The following TSHZ1 variants were observed in gnomAD, a reference collection of about 807,000 sequenced individuals.
TSHZ1 encodes the protein teashirt zinc finger homeobox 1, also known as teashirt homolog 1.
In TSHZ1, 12 loss-of-function variants were observed where a neutral mutation model predicts 67.1. The ratio of observed to expected loss-of-function variants is 0.18; its 90% CI spans 0.11 to 0.29. The LOEUF (loss-of-function observed/expected upper bound fraction) is 0.29. TSHZ1 is among the 10% of genes least tolerant of loss of function. The pLI, the probability that TSHZ1 is intolerant of heterozygous loss-of-function variation, is 1.00. For synonymous variants in TSHZ1, 632 were observed against 622.4 expected (o/e 1.02, Z -0.23); for missense variants, 1,305 against 1,413.9 (o/e 0.92, Z 1.23).
chr18:75,230,309 A>G (rs1337038476), intron 1 of TSHZ1, among the ~76,000 whole-genome samples: 1 of 152,192 alleles, frequency 6.6e-6, no homozygotes, highest in Non-Finnish European at 1.5e-5. Flanking sequence ...AGTGACTGAC[A>G]GGCACCCAGA....
intron 1 of TSHZ1, among the ~76,000 whole-genome samples, chr18:75,268,668 C>T (rs528809491): frequency 6.6e-6 from 1 of 152,204 alleles, no homozygotes; most frequent in Non-Finnish European, 1.5e-5. Flanking sequence ...CCTCCTCCCC[C>T]TCCCCAAAAA....
chr18:75,227,273 A>C (rs566493557), intron 1 of TSHZ1, among the ~76,000 whole-genome samples: 1 of 151,378 alleles, frequency 6.6e-6, no homozygotes, highest in Non-Finnish European at 1.5e-5. Flanking sequence ...GTTTTACTCC[A>C]GGCTATTTTT....
chr18:75,284,640 A>G (rs1057261095), intron 1 of TSHZ1: 2 of 152,212 alleles, frequency 1.3e-5, no homozygotes, highest in African/African-American at 4.8e-5. Flanking sequence ...GAGGTGAGCC[A>G]TGCAGTACAT....
chr18:75,281,482 A>ACGGGCCCTACATGGGGC lies in TSHZ1; in HGVS notation c.41-3964_41-3948dup. ...GTGGCAGAACAGTGGGGCTCCTTCC[A>ACGGGCCCTACATGGGGC]CGGGCCCTACATGGGGCCAGGCCCT... On this transcript the variant is annotated intron_variant, in intron 1 of 1. Transcript: ENST00000580243. The surrounding 1 kb of genome is among the most constrained non-coding windows in gnomAD (Gnocchi z 5.3). Among the ~76,000 whole-genome samples, 2 of 152,266 alleles carry ACGGGCCCTACATGGGGC rather than the reference A, an allele frequency of 1.3e-5. No homozygotes were observed. Among genetic ancestry groups the ACGGGCCCTACATGGGGC allele is most frequent in the South Asian group, 4.1e-4 (2 of 4,828 alleles).
intron 1 of TSHZ1, among the ~76,000 whole-genome samples, chr18:75,234,171 C>T (rs949134467): frequency 6.6e-6 from 1 of 152,176 alleles, no homozygotes; most frequent in African/African-American, 2.4e-5. Flanking sequence ...CCAGTGAATA[C>T]ATGATGACTG....
intron 1 of TSHZ1, among the ~76,000 whole-genome samples, chr18:75,250,013 G>A (rs1392676715): frequency 2.7e-5 from 4 of 150,788 alleles, no homozygotes; most frequent in African/African-American, 7.3e-5. Flanking sequence ...CCCTGCAGTA[G>A]GTGGAGGACG....
At chr18:75,277,588 G>T (rs2023630127) in intron 1 of TSHZ1, among the ~76,000 whole-genome samples, 1 of 152,038 alleles carries the variant, frequency 6.6e-6, no homozygotes, top group South Asian at 2.1e-4. Context: ...GTACGTAGAT[G>T]GTGTCATCTC....
chr18:75,277,205 C>A (rs540240034), intron 1 of TSHZ1, among the ~76,000 whole-genome samples: 37 of 152,330 alleles, frequency 2.4e-4, no homozygotes, highest in African/African-American at 8.4e-4. Flanking sequence ...AAGACGGATG[C>A]TGGCTCAGCT....
intron 1 of TSHZ1, among the ~76,000 whole-genome samples, chr18:75,246,769 G>A (rs527448780): frequency 2.6e-5 from 4 of 152,288 alleles, no homozygotes; most frequent in African/African-American, 7.2e-5. Flanking sequence ...CAGCAGAAGA[G>A]CTTGAGATGT....
rs150448209 is a variant in TSHZ1 at position 75,259,838 on chromosome 18, A to G, written c.41-25610A>G. On this transcript the variant is annotated intron_variant, in intron 1 of 1. Coordinates refer to ENST00000580243, the MANE Select transcript of TSHZ1 (RefSeq NM_001308210.2). The stretch of plus-strand genomic sequence containing the variant: ...AAACAATGCTGCTGGGTATTTACCT[A>G]TGGGTGCTTTTATTTCCAAGGATAT... Among the ~76,000 whole-genome samples, 26 of 152,262 alleles carry G rather than the reference A, an allele frequency of 1.7e-4. No homozygotes were observed. The East Asian group carries it at 5.0e-3, about 29-fold the overall frequency.
chr18:75,273,333 A>G (rs1175205094), intron 1 of TSHZ1, among the ~76,000 whole-genome samples: 1 of 152,214 alleles, frequency 6.6e-6, no homozygotes, highest in Non-Finnish European at 1.5e-5. Context: ...TCGAGGAGAA[A>G]ACAAACCTAA....
At chr18:75,232,446 A>G (rs1231078196) in intron 1 of TSHZ1, among the ~76,000 whole-genome samples, 1 of 152,198 alleles carries the variant, frequency 6.6e-6, no homozygotes, top group Non-Finnish European at 1.5e-5. Flanking sequence ...TTTTGCATGT[A>G]TTTTGGAAAG....
intron 1 of TSHZ1, among the ~76,000 whole-genome samples, chr18:75,248,661 C>A (rs2023253896): frequency 6.6e-6 from 1 of 152,186 alleles, no homozygotes; most frequent in African/African-American, 2.4e-5. Flanking sequence ...TTTTTCCCCT[C>A]ATTTGGAATC....
At chr18:75,222,511 C>T (rs76766865) in intron 1 of TSHZ1, among the ~76,000 whole-genome samples, 2,588 of 152,062 alleles carry the variant, frequency 0.017, 31 homozygotes, top group Middle Eastern at 0.082. Context: ...CGCAGAGCTC[C>T]GAGAAGCTGG....
intron 1 of TSHZ1, among the ~76,000 whole-genome samples, 156 bp downstream of exon 1, chr18:75,212,072 G>C (rs2022701602): frequency 6.6e-6 from 1 of 151,998 alleles, no homozygotes; most frequent in African/African-American, 2.4e-5. Context: ...TGGAGGCTGC[G>C]GTCGCCGTCC....
intron 1 of TSHZ1, chr18:75,280,796 CTA>C (rs922689143): frequency 7.8e-5 from 77 of 985,314 alleles, no homozygotes; most frequent in Non-Finnish European, 5.9e-5. Flanking sequence ...AGTCACAGCT[CTA>C]TGAGGAGGAC....
At chr18:75,223,740 C>G (rs1400191957) in intron 1 of TSHZ1, among the ~76,000 whole-genome samples, 5 of 151,994 alleles carry the variant, frequency 3.3e-5, no homozygotes, top group Non-Finnish European at 7.4e-5. Context: ...CAGCCCTGGC[C>G]CTGCATGTGC....
At position 75,286,166 on chromosome 18, in the gene TSHZ1, C is replaced by T. The variant is rs769341054; in HGVS notation, c.759C>T (p.Ala253=). The T allele has an allele frequency of 1.5e-5, 24 of 1,614,024 alleles. No homozygotes were observed. The highest frequency in any genetic ancestry group is 1.1e-4 in the South Asian group (10 of 91,070). ...AGTTCCGGTGCAAAGACTGCAGTGCCGCGTACGACACGCTGGTGGAACTGA... is the reference window on the plus strand; with the variant it reads ...AGTTCCGGTGCAAAGACTGCAGTGCTGCGTACGACACGCTGGTGGAACTGA... ...ASKFRCKDCS[A]AYDTLVELTV... The change falls in exon 2 of 2, where the codon GCC becomes GCT. Residue 253 remains alanine (A), a synonymous_variant. Transcript: ENST00000580243. This position sits in a 1 kb window ranked among gnomAD's most constrained non-coding sequence, Gnocchi z 5.1.
intron 1 of TSHZ1, among the ~76,000 whole-genome samples, chr18:75,257,611 C>T (rs576072819): frequency 1.5e-3 from 225 of 150,830 alleles, no homozygotes; most frequent in Non-Finnish European, 2.3e-3. Context: ...ACTTAGTGTT[C>T]GTAGACAGAA....
Sources: allele counts gnomAD v4.1 joint callset (sites outside exome capture counted in the v4.1 genomes callset), GRCh38; gene constraint gnomAD v4.1.1; non-coding constraint Gnocchi (gnomAD v3.1); transcripts MANE v1.5; gene names NCBI Gene and HGNC (gene_info 2026-07-23, HGNC 2026-07-21).